IKZF4: variants seen among roughly 807,000 people sequenced by gnomAD.
The protein encoded by IKZF4 is IKAROS family zinc finger 4.
IKZF4 carries 11 observed loss-of-function variants against 47.7 expected under a neutral mutation model. The observed-to-expected ratio is 0.23, with a 90% CI of 0.15 to 0.38. The LOEUF is 0.38. Ranked by LOEUF, IKZF4 falls within the 10% of genes least tolerant of loss-of-function variation. The probability of loss-of-function intolerance (pLI) is 1.00; values close to 1 mark genes in which losing one functional copy is unlikely to be tolerated. For missense variants in IKZF4, 557 were observed against 784.9 expected, an observed-to-expected ratio of 0.71 and a Z score of 3.47; for synonymous variants, 298 against 299.4, an observed-to-expected ratio of 1.00 and a Z score of 0.05.
In IKZF4 at chr12:56,036,178, C is replaced by T. The variant is rs1233419967; in HGVS notation, c.*847C>T. 1.3e-5 allele frequency: 2 copies of T among 152,602 alleles called. No homozygotes were observed. Among genetic ancestry groups the T allele is most frequent in the Non-Finnish European group, 2.9e-5 (2 of 68,042 alleles). The allele number at this position is 152,602 out of a possible 1,614,324, so 9.5% of individuals were successfully genotyped here. On this transcript the variant is annotated 3_prime_UTR_variant, in exon 8 of 8. Transcript: ENST00000547167. ...TCTATTAAGTGGTGGCTTTTCTCTC[C>T]TTGGAGTGCCCCAATTTTATATTCT...
chr12:56,027,278 C>T (rs902035362), intron 4 of IKZF4, among the ~76,000 whole-genome samples: 7 of 152,040 alleles, frequency 4.6e-5, no homozygotes, highest in African/African-American at 1.5e-4. Flanking sequence ...TCTCCTCAAC[C>T]GCTGTTATAA....
chr12:56,024,909 T>C, intron 2 of IKZF4, 145 bp from the exon 3 acceptor site: 1 of 1,503,178 alleles, frequency 6.7e-7, no homozygotes, highest in Non-Finnish European at 8.8e-7. Flanking sequence ...GCACAAGGTA[T>C]GGTGCCCAGC....
rs1439167274 is a variant in IKZF4 at position 56,037,259 on chromosome 12, G to A, written c.*1928G>A. 1.3e-5 allele frequency: 2 copies of A among 152,652 alleles called. No individual in the cohort carries two copies. The highest frequency in any genetic ancestry group is 2.9e-5 in the Non-Finnish European group (2 of 68,044). The allele number at this position is 152,652 out of a possible 1,614,324, so 9.5% of individuals were successfully genotyped here. A position where few individuals can be genotyped will look rare whatever the true frequency, so the allele number is the denominator to read the frequency against. On this transcript the variant is annotated 3_prime_UTR_variant, in exon 8 of 8. Transcript: ENST00000547167. ...AAGAGAACCAGATTGGCAGGGAGAA[G>A]CATTGTGGGGCAATTGTTCCTCCTT...
intron 1 of IKZF4, among the ~76,000 whole-genome samples, chr12:56,022,707 C>T (rs1182721132): frequency 1.3e-5 from 2 of 152,020 alleles, no homozygotes; most frequent in Non-Finnish European, 2.9e-5. Flanking sequence ...ATCAAAGAGC[C>T]TCTTGAATTA....
upstream of IKZF4, chr12:56,018,162 C>T (rs1470700086): frequency 1.2e-5 from 16 of 1,289,228 alleles, no homozygotes; most frequent in Admixed American, 2.3e-5. Flanking sequence ...CTGCAATGGC[C>T]GCTCCTATGT....
intron 4 of IKZF4, among the ~76,000 whole-genome samples, chr12:56,027,495 A>G (rs1894220375): frequency 6.6e-6 from 1 of 152,188 alleles, no homozygotes; most frequent in East Asian, 1.9e-4. Context: ...CTCCTAGGGC[A>G]GAGTGGGCCC....
intron 2 of IKZF4, 143 bp downstream of exon 2, chr12:56,023,907 C>A: frequency 6.8e-7 from 1 of 1,475,498 alleles, no homozygotes; most frequent in South Asian, 1.3e-5. Flanking sequence ...TGCACACATC[C>A]ATGCATGTTC....
Position 56,032,296 on chromosome 12 carries a change from A to G in IKZF4, c.716-265A>G, listed in dbSNP as rs560536498. On this transcript the variant is annotated intron_variant, in intron 5 of 7. Coordinates refer to ENST00000547167, the MANE Select transcript of IKZF4 (RefSeq NM_022465.4). ...ACTTCCTTTAAGCAACAATTTGGCCATCTTGAACAAACCCACCACCAGTCT... is the reference window on the plus strand; with the variant it reads ...ACTTCCTTTAAGCAACAATTTGGCCGTCTTGAACAAACCCACCACCAGTCT... The G allele has an allele frequency of 2.9e-5, 12 of 408,948 alleles. No homozygotes were observed. In the South Asian group the frequency reaches 3.2e-4, roughly 11 times the overall value. The allele number at this position is 408,948 out of a possible 1,614,324, so 25.3% of individuals were successfully genotyped here. A position where few individuals can be genotyped will look rare whatever the true frequency, so the allele number is the denominator to read the frequency against.
At chr12:56,030,741 A>G (rs546185359) in intron 5 of IKZF4, among the ~76,000 whole-genome samples, 4 of 151,960 alleles carry the variant, frequency 2.6e-5, no homozygotes, top group Non-Finnish European at 5.9e-5. Context: ...AAAAAAAAAA[A>G]AAAGTAGAGA....
At chr12:56,014,897 G>A (rs1300983674) in intron 2 of IKZF4, among the ~76,000 whole-genome samples, 2 of 152,200 alleles carry the variant, frequency 1.3e-5, no homozygotes. Context: ...CAGAGAGGCA[G>A]GCAACTTGTG....
upstream of IKZF4, among the ~76,000 whole-genome samples, chr12:56,017,927 A>T (rs543928278): frequency 6.6e-6 from 1 of 152,246 alleles, no homozygotes; most frequent in East Asian, 1.9e-4. Context: ...GGCTCGAGTG[A>T]TCCTCCCACC....
upstream of IKZF4, chr12:56,018,022 C>T (rs1892355767): frequency 1.4e-6 from 1 of 698,714 alleles, no homozygotes; most frequent in Non-Finnish European, 2.2e-6. Context: ...TCAGACCATG[C>T]TTAAGTGCTC....
chr12:56,019,134 G>A (rs1892520973), upstream of IKZF4, among the ~76,000 whole-genome samples: 3 of 152,170 alleles, frequency 2.0e-5, no homozygotes, highest in Admixed American at 1.3e-4. Context: ...GAGAACCCAG[G>A]AGGCGGAGGT....
Position 56,021,620 on chromosome 12 carries a change from G to T in IKZF4, c.87+40G>T, listed in dbSNP as rs765221096. 2.6e-5 allele frequency: 40 copies of T among 1,568,256 alleles called. No homozygotes were observed. The South Asian group carries it at 3.6e-4, about 14-fold the overall frequency. On this transcript the variant is annotated intron_variant, in intron 1 of 7. Coordinates refer to ENST00000547167, the MANE Select transcript of IKZF4 (RefSeq NM_022465.4). Reference sequence around the variant, plus strand: ...AAGGCGGCTAGTGGAGGGAGGAAGGGGGGTGCTGGGGCTAGGGAGCCAATT... The same window carrying T: ...AAGGCGGCTAGTGGAGGGAGGAAGGTGGGTGCTGGGGCTAGGGAGCCAATT...
intron 5 of IKZF4, among the ~76,000 whole-genome samples, chr12:56,030,036 C>T (rs1423302197): frequency 6.6e-6 from 1 of 152,114 alleles, no homozygotes; most frequent in African/African-American, 2.4e-5. Context: ...CTGTGAAGTG[C>T]TTTCTGTTGC....
chr12:56,030,495 C>T (rs1204939267), intron 5 of IKZF4, among the ~76,000 whole-genome samples: 1 of 151,440 alleles, frequency 6.6e-6, no homozygotes, highest in Non-Finnish European at 1.5e-5. Context: ...TTTGGGAGGC[C>T]AAGGCGGGCA....
At position 56,034,849 on chromosome 12, in the gene IKZF4, G is replaced by A. The variant is rs376980841; in HGVS notation, c.1276G>A (p.Glu426Lys). Residue 426 changes from glutamate to lysine, a missense_variant, in exon 8 of 8, where the codon GAG becomes AAG. Physicochemically the swap from Glu to Lys is moderately conservative, Grantham distance 56. This residue lies in a region of IKZF4 where 280 missense variants were observed against 314.0 expected (regional missense o/e 0.89). Transcript: ENST00000547167. ...ATCCCGAGAAGCAGGTGAGGGACCT[G>A]AGGACCTGGCTGATGGAGGTCCCCT... Reference protein sequence around the residue: ...PGSREAGEGPEDLADGGPLLY... With the variant: ...PGSREAGEGPKDLADGGPLLY... 323 of 1,613,244 alleles carry A rather than the reference G, an allele frequency of 2.0e-4. No individual in the cohort carries two copies. Among genetic ancestry groups the A allele is most frequent in the Non-Finnish European group, 2.6e-4 (307 of 1,179,608 alleles).
chr12:56,016,627 G>A (rs555176651), upstream of IKZF4, among the ~76,000 whole-genome samples: 10 of 149,606 alleles, frequency 6.7e-5, no homozygotes, highest in South Asian at 2.1e-4. Context: ...ACGGAGTTTC[G>A]CTCTTGTTGC....
At chr12:56,029,287 G>C (rs1417042749) in intron 5 of IKZF4, among the ~76,000 whole-genome samples, 1 of 152,214 alleles carries the variant, frequency 6.6e-6, no homozygotes, top group Non-Finnish European at 1.5e-5. Context: ...AGTCAAGACT[G>C]TTTGAATCAG....
Sources: allele counts gnomAD v4.1 joint callset (sites outside exome capture counted in the v4.1 genomes callset), GRCh38; gene constraint gnomAD v4.1.1; regional missense constraint gnomAD v4.1.1; transcripts MANE v1.5; gene names NCBI Gene and HGNC (gene_info 2026-07-23, HGNC 2026-07-21).